SLC44A1: variants seen among roughly 807,000 people sequenced by gnomAD.
The protein encoded by SLC44A1 is choline transporter-like protein 1.
SLC44A1 carries 26 observed loss-of-function variants against 79.3 expected under a neutral mutation model. That is an observed-to-expected ratio of 0.33 (90% CI 0.24 to 0.46). The LOEUF is 0.46. Ranked by LOEUF, SLC44A1 falls within the 20% of genes least tolerant of loss-of-function variation. The pLI, the probability that SLC44A1 is intolerant of heterozygous loss-of-function variation, is 1.00. For missense variants in SLC44A1, 688 were observed against 798.1 expected (o/e 0.86, Z 1.66); for synonymous variants, 263 against 286.2 (o/e 0.92, Z 0.82).
intron 1 of SLC44A1, among the ~76,000 whole-genome samples, chr9:105,262,066 G>A (rs1182307116): frequency 3.9e-5 from 6 of 152,118 alleles, no homozygotes; most frequent in Admixed American, 3.9e-4. Context: ...TTACAGGTGT[G>A]AGCCACCACG....
At chr9:105,432,322 G>T (rs1413585045) in intron 15 of SLC44A1, among the ~76,000 whole-genome samples, 1 of 152,164 alleles carries the variant, frequency 6.6e-6, no homozygotes, top group Non-Finnish European at 1.5e-5. Flanking sequence ...TAGCCAGTAG[G>T]CCAATTGTCT....
downstream of SLC44A1, among the ~76,000 whole-genome samples, chr9:105,401,848 C>A (rs1232877176): frequency 3.3e-5 from 5 of 152,240 alleles, no homozygotes; most frequent in Non-Finnish European, 7.4e-5. Flanking sequence ...CTAAATACTC[C>A]CTGATCTTAA....
intron 1 of SLC44A1, among the ~76,000 whole-genome samples, chr9:105,279,096 A>T (rs1018833191): frequency 2.0e-5 from 3 of 150,582 alleles, no homozygotes; most frequent in African/African-American, 7.3e-5. Flanking sequence ...ATAGTCTAGG[A>T]TTTTTCAGTT....
intron 15 of SLC44A1, among the ~76,000 whole-genome samples, chr9:105,388,023 C>T (rs1176563495): frequency 6.6e-6 from 1 of 152,150 alleles, no homozygotes; most frequent in Non-Finnish European, 1.5e-5. Flanking sequence ...CAGTTCATTG[C>T]TTGCAGATTA....
At chr9:105,311,695 C>A (rs1831184646) in intron 3 of SLC44A1, among the ~76,000 whole-genome samples, 1 of 152,194 alleles carries the variant, frequency 6.6e-6, no homozygotes, top group South Asian at 2.1e-4. Flanking sequence ...TTCCTTAATT[C>A]ATGTACGCAT....
intron 1 of SLC44A1, among the ~76,000 whole-genome samples, chr9:105,267,664 A>G (rs1829992260): frequency 6.6e-6 from 1 of 151,032 alleles, no homozygotes; most frequent in Non-Finnish European, 1.5e-5. Flanking sequence ...GTGTGTTTTA[A>G]TTTCACTTCT....
chr9:105,267,540 CT>C (rs1344360510), intron 1 of SLC44A1, among the ~76,000 whole-genome samples: 1 of 151,880 alleles, frequency 6.6e-6, no homozygotes, highest in Non-Finnish European at 1.5e-5. Flanking sequence ...CTTAATTTAC[CT>C]TTCAGTATTT....
intron 4 of SLC44A1, among the ~76,000 whole-genome samples, chr9:105,347,970 T>C (rs1827291489): frequency 6.6e-6 from 1 of 152,062 alleles, no homozygotes; most frequent in Non-Finnish European, 1.5e-5. Context: ...CTCTGTGTTC[T>C]TAGGCAAGTT....
At chr9:105,293,275 G>T (rs1430873612) in intron 1 of SLC44A1, among the ~76,000 whole-genome samples, 1 of 152,178 alleles carries the variant, frequency 6.6e-6, no homozygotes, top group Non-Finnish European at 1.5e-5. Context: ...GATAGCATTA[G>T]GTAGTACTCT....
intron 4 of SLC44A1, among the ~76,000 whole-genome samples, chr9:105,343,521 G>A (rs1827161892): frequency 6.6e-6 from 1 of 152,034 alleles, no homozygotes; most frequent in South Asian, 2.1e-4. Context: ...TTAAACCCCA[G>A]AGTAATTATG....
intron 1 of SLC44A1, among the ~76,000 whole-genome samples, chr9:105,258,640 T>A (rs534922411): frequency 1.3e-5 from 2 of 152,286 alleles, no homozygotes; most frequent in Admixed American, 1.3e-4. Context: ...TAGATACCAC[T>A]TTTTTGTCTC....
chr9:105,376,178 G>C (rs148826608), intron 13 of SLC44A1, among the ~76,000 whole-genome samples: 2 of 152,212 alleles, frequency 1.3e-5, no homozygotes, highest in Non-Finnish European at 2.9e-5. Flanking sequence ...AGCATTGTGT[G>C]TGATGAAGTG....
At chr9:105,406,299 T>A (rs532198559) in intron 15 of SLC44A1, among the ~76,000 whole-genome samples, 2 of 152,178 alleles carry the variant, frequency 1.3e-5, no homozygotes, top group South Asian at 2.1e-4. Flanking sequence ...TAACCCACAA[T>A]AAGCCAGCAA....
At chr9:105,343,850 T>C (rs1827172199) in intron 4 of SLC44A1, among the ~76,000 whole-genome samples, 1 of 152,190 alleles carries the variant, frequency 6.6e-6, no homozygotes, top group Admixed American at 6.5e-5. Flanking sequence ...ACATAGATGT[T>C]CAAAATTAAT....
intron 15 of SLC44A1, among the ~76,000 whole-genome samples, chr9:105,437,013 A>G (rs1829471798): frequency 2.0e-5 from 3 of 152,184 alleles, no homozygotes; most frequent in Admixed American, 2.0e-4. Flanking sequence ...TCTTGTGGTT[A>G]GGACTGTATC....
intron 15 of SLC44A1, among the ~76,000 whole-genome samples, chr9:105,431,944 A>T (rs1829403393): frequency 6.6e-6 from 1 of 152,180 alleles, no homozygotes. Flanking sequence ...ATTCATTGAG[A>T]CAGGGTCTCA....
At chr9:105,430,371 CG>C (rs1829377531) in intron 15 of SLC44A1, among the ~76,000 whole-genome samples, 1 of 152,198 alleles carries the variant, frequency 6.6e-6, no homozygotes, top group South Asian at 2.1e-4. Flanking sequence ...AAGACCACCA[CG>C]TGACTCTAGA....
At chr9:105,429,573 G>C (rs1829366245) in intron 15 of SLC44A1, among the ~76,000 whole-genome samples, 1 of 152,166 alleles carries the variant, frequency 6.6e-6, no homozygotes, top group African/African-American at 2.4e-5. Flanking sequence ...AAAGTGCTGA[G>C]ATTATAGGCA....
rs1828887896 is a variant in SLC44A1 at position 105,396,909 on chromosome 9, A to G, written c.*7853A>G. ...ATTACAGTGTCACTACACTGTATTC[A>G]TGTGGGGGAACAAACATGTAGGTGC... On this transcript the variant is annotated 3_prime_UTR_variant, in exon 16 of 16. Transcript: ENST00000374720. 1 of 985,060 alleles carries G rather than the reference A, an allele frequency of 1.0e-6. No individual in the cohort carries two copies. The highest frequency in any genetic ancestry group is 1.7e-5 in the African/African-American group (1 of 57,212). The allele number at this position is 985,060 out of a possible 1,614,324, so 61.0% of individuals were successfully genotyped here. A position where few individuals can be genotyped will look rare whatever the true frequency, so the allele number is the denominator to read the frequency against.
Sources: allele counts gnomAD v4.1 joint callset (sites outside exome capture counted in the v4.1 genomes callset), GRCh38; gene constraint gnomAD v4.1.1; transcripts MANE v1.5; gene names NCBI Gene and HGNC (gene_info 2026-07-23, HGNC 2026-07-21).